The following LRP1B variants were observed in gnomAD, a reference collection of about 807,000 sequenced individuals.
LRP1B encodes low-density lipoprotein receptor-related protein 1B.
Under a neutral mutation model 556.6 loss-of-function variants are expected in LRP1B, and 217 were observed. The ratio of observed to expected loss-of-function variants is 0.39; its 90% confidence interval spans 0.35 to 0.44. LRP1B has a LOEUF of 0.44. Ranked by LOEUF, LRP1B falls within the 20% of genes least tolerant of loss-of-function variation. The pLI, the probability that LRP1B is intolerant of heterozygous loss-of-function variation, is 1.00. For synonymous variants in LRP1B, 2,047 were observed against 1,865.8 expected, an observed-to-expected ratio of 1.10 and a Z score of -2.50; for missense variants, 5,053 against 5,620.8, an observed-to-expected ratio of 0.90 and a Z score of 3.23.
At chr2:141,755,049 T>C (rs1694267360) in intron 2 of LRP1B, among the ~76,000 whole-genome samples, 2 of 152,110 alleles carry the variant, frequency 1.3e-5, no homozygotes, top group South Asian at 2.1e-4. Flanking sequence ...CTGTCCCTCA[T>C]TTCAAATTAG....
intron 2 of LRP1B, among the ~76,000 whole-genome samples, chr2:141,544,919 G>C (rs1317290701): frequency 1.3e-5 from 2 of 152,026 alleles, no homozygotes; most frequent in African/African-American, 2.4e-5. Flanking sequence ...TTCTGGCTTG[G>C]CCTCCCAAAG....
chr2:140,873,867 G>C (rs1693219109), intron 25 of LRP1B, among the ~76,000 whole-genome samples: 2 of 151,584 alleles, frequency 1.3e-5, no homozygotes, highest in Admixed American at 1.3e-4. Context: ...CTTATTTAAA[G>C]GTTATGTATA....
chr2:141,640,892 CA>C (rs763100122), intron 2 of LRP1B, among the ~76,000 whole-genome samples: 40 of 152,202 alleles, frequency 2.6e-4, no homozygotes, highest in Admixed American at 8.5e-4. Flanking sequence ...CTTCTTTACA[CA>C]GAGCAATTGC....
At chr2:140,903,243 T>C in intron 22 of LRP1B, 78 bp from the exon 23 acceptor site, 3 of 1,501,600 alleles carry the variant, frequency 2.0e-6, no homozygotes, top group Non-Finnish European at 2.7e-6. Flanking sequence ...AACTCAATTC[T>C]CTAAGCCTAC....
chr2:141,863,211 CTG>C (rs1378390685), intron 1 of LRP1B, among the ~76,000 whole-genome samples: 1 of 152,194 alleles, frequency 6.6e-6, no homozygotes, highest in Non-Finnish European at 1.5e-5. Context: ...AGGCACTCCA[CTG>C]TGTTCATTTA....
At chr2:141,809,266 A>G (rs929485085) in intron 2 of LRP1B, among the ~76,000 whole-genome samples, 4 of 152,198 alleles carry the variant, frequency 2.6e-5, no homozygotes, top group African/African-American at 9.6e-5. Context: ...ATTTGCCTCT[A>G]ACAGCAAGGT....
At chr2:140,893,599 C>G (rs569261385) in intron 23 of LRP1B, among the ~76,000 whole-genome samples, 1 of 152,234 alleles carries the variant, frequency 6.6e-6, no homozygotes, top group East Asian at 1.9e-4. Context: ...GACTATTTAT[C>G]TGGTTTCTTG....
At chr2:141,713,322 T>C (rs1271507237) in intron 2 of LRP1B, among the ~76,000 whole-genome samples, 3 of 152,174 alleles carry the variant, frequency 2.0e-5, no homozygotes, top group African/African-American at 7.2e-5. Context: ...TTTTGCAAAA[T>C]AGCCACATCG....
chr2:141,269,607 T>C (rs930668154), intron 3 of LRP1B, among the ~76,000 whole-genome samples: 3 of 152,124 alleles, frequency 2.0e-5, no homozygotes, highest in Non-Finnish European at 4.4e-5. Context: ...GGGAAATAGA[T>C]GTCACTGAAA....
chr2:140,456,377 T>C (rs2105321451), intron 62 of LRP1B, 78 bp downstream of exon 62: 1 of 1,361,780 alleles, frequency 7.3e-7, no homozygotes, highest in Non-Finnish European at 1.0e-6. Flanking sequence ...TATGGAATGA[T>C]CATTCAATGT....
At chr2:140,248,359 AT>A (rs1489056926) in intron 86 of LRP1B, among the ~76,000 whole-genome samples, 4 of 151,352 alleles carry the variant, frequency 2.6e-5, no homozygotes, top group African/African-American at 9.7e-5. Flanking sequence ...GAGTTATTTA[AT>A]TAATAAATGA....
At chr2:140,429,263 G>A (rs1685805596) in intron 66 of LRP1B, among the ~76,000 whole-genome samples, 1 of 152,122 alleles carries the variant, frequency 6.6e-6, no homozygotes, top group Admixed American at 6.5e-5. Flanking sequence ...AGCCTTACAA[G>A]TTAGTTCAGG....
intron 23 of LRP1B, among the ~76,000 whole-genome samples, chr2:140,886,598 C>T (rs191073668): frequency 8.8e-5 from 13 of 147,818 alleles, no homozygotes; most frequent in Admixed American, 1.4e-4. Context: ...ATTATTGCCA[C>T]GCAAAGACAA....
At position 140,561,861 on chromosome 2, in the gene LRP1B, C is replaced by A. The variant is rs1680943476; in HGVS notation, c.7195-19890G>T. On this transcript the variant is annotated intron_variant, in intron 43 of 90. Coordinates refer to ENST00000389484, the MANE Select transcript of LRP1B (RefSeq NM_018557.3). The stretch of plus-strand genomic sequence containing the variant: ...TATTTTAAGCAAAATATTAGTAATT[C>A]AAATTTAACACTATATAAAAAATAA... 2.6e-5 allele frequency among the ~76,000 whole-genome samples: 4 copies of A among 151,748 alleles called. No homozygotes were observed. In the South Asian group the frequency reaches 8.3e-4, roughly 32 times the overall value.
At chr2:141,991,318 T>TATG (rs1702337328) in intron 1 of LRP1B, among the ~76,000 whole-genome samples, 7 of 152,068 alleles carry the variant, frequency 4.6e-5, no homozygotes, top group African/African-American at 1.7e-4. Context: ...TATTATGTCA[T>TATG]TCACACTTAT....
rs1184623450 is a variant in LRP1B at position 140,272,252 on chromosome 2, C to CAA, written c.13143-1907_13143-1906insTT. Among the ~76,000 whole-genome samples the CAA allele has an allele frequency of 1.8e-4, 12 of 65,320 alleles. No homozygotes were observed. The Middle Eastern group carries it at 0.021, about 115-fold the overall frequency. The allele number at this position is 65,320 out of a possible 152,430, so 42.9% of individuals were successfully genotyped here. The stretch of plus-strand genomic sequence containing the variant: ...TTTAGAGGCATTCAGCGTATGTGCA[C>CAA]ACACAAACACACACACACACACACA... On this transcript the variant is annotated intron_variant, in intron 85 of 90. Transcript: ENST00000389484.
chr2:141,059,076 A>G, intron 8 of LRP1B, 22 bp from the exon 9 acceptor site: 2 of 1,390,076 alleles, frequency 1.4e-6, no homozygotes, highest in Non-Finnish European at 1.9e-6. Context: ...GCAAAACATA[A>G]CTATGATTTT....
chr2:141,344,733 A>G (rs570592214), intron 3 of LRP1B, among the ~76,000 whole-genome samples: 1 of 152,188 alleles, frequency 6.6e-6, no homozygotes, highest in Admixed American at 6.5e-5. Context: ...TAGTGTCTTC[A>G]ATGTGACACA....
chr2:141,838,360 T>C (rs1406188138), intron 1 of LRP1B, among the ~76,000 whole-genome samples: 1 of 152,170 alleles, frequency 6.6e-6, no homozygotes, highest in African/African-American at 2.4e-5. Context: ...GAAGTCATGA[T>C]TGATGTCATT....
Sources: gnomAD v4.1 joint callset for allele counts (sites outside exome capture counted in the v4.1 genomes callset) on GRCh38, gnomAD v4.1.1 for gene constraint, MANE v1.5 for transcripts, NCBI Gene and HGNC (gene_info 2026-07-23, HGNC 2026-07-21) for gene names.